The following KCNT2 variants were observed in gnomAD, a reference collection of about 807,000 sequenced individuals.
KCNT2 encodes the protein potassium channel subfamily T member 2.
Under a neutral mutation model 153.8 loss-of-function variants are expected in KCNT2, and 67 were observed. The ratio of observed to expected loss-of-function variants is 0.44; its 90% CI spans 0.36 to 0.53. The LOEUF is 0.53. Ranked by LOEUF, KCNT2 falls within the 20% of genes least tolerant of loss-of-function variation. KCNT2 has a pLI of 0.00. For synonymous variants in KCNT2, 500 were observed against 458.8 expected, an observed-to-expected ratio of 1.09 and a Z score of -1.15; for missense variants, 975 against 1,354.8, an observed-to-expected ratio of 0.72 and a Z score of 4.40.
At chr1:196,509,555 C>T (rs1449971136) in intron 1 of KCNT2, among the ~76,000 whole-genome samples, 1 of 152,074 alleles carries the variant, frequency 6.6e-6, no homozygotes, top group Non-Finnish European at 1.5e-5. Context: ...CAGATGCATA[C>T]ATATCTGTTA....
chr1:196,445,702 T>G (rs1489406074), intron 8 of KCNT2, among the ~76,000 whole-genome samples: 1 of 151,454 alleles, frequency 6.6e-6, no homozygotes, highest in Non-Finnish European at 1.5e-5. Context: ...AGATGGTTAA[T>G]GAACTTATAT....
chr1:196,284,186 G>A (rs1325977231), intron 23 of KCNT2, among the ~76,000 whole-genome samples: 12 of 126,900 alleles, frequency 9.5e-5, no homozygotes, highest in Non-Finnish European at 1.6e-4. Flanking sequence ...AGCCGAGATC[G>A]CACCACCGCC....
At chr1:196,324,225 GAAGGCAAAGGGAACTTTT>G (rs1663622333) in intron 19 of KCNT2, among the ~76,000 whole-genome samples, 1 of 151,938 alleles carries the variant, frequency 6.6e-6, no homozygotes, top group Admixed American at 6.6e-5. Flanking sequence ...AAGCCATTAG[GAAGGCAAAGGGAACTTTT>G]AATGCAAAAA....
intron 1 of KCNT2, among the ~76,000 whole-genome samples, chr1:196,541,869 A>C (rs1258299568): frequency 6.6e-6 from 1 of 152,056 alleles, no homozygotes; most frequent in Admixed American, 6.6e-5. Context: ...ATATATTTAA[A>C]TATACCACCT....
At chr1:196,433,387 C>A (rs955333541) in intron 8 of KCNT2, among the ~76,000 whole-genome samples, 9 of 152,146 alleles carry the variant, frequency 5.9e-5, no homozygotes, top group Admixed American at 5.2e-4. Context: ...TAAAAGACCA[C>A]ATGTTGTATG....
At chr1:196,300,455 A>G (rs956466232) in intron 22 of KCNT2, among the ~76,000 whole-genome samples, 1 of 152,146 alleles carries the variant, frequency 6.6e-6, no homozygotes, top group Non-Finnish European at 1.5e-5. Context: ...TCCCTGAAGC[A>G]GGCCATAAAA....
At chr1:196,455,982 A>G (rs1291326967) in intron 8 of KCNT2, among the ~76,000 whole-genome samples, 1 of 152,038 alleles carries the variant, frequency 6.6e-6, no homozygotes, top group African/African-American at 2.4e-5. Flanking sequence ...GTCCACCTAC[A>G]CTGGATCTCC....
chr1:196,322,004 C>T (rs1663368017), intron 19 of KCNT2, among the ~76,000 whole-genome samples: 1 of 151,864 alleles, frequency 6.6e-6, no homozygotes, highest in Admixed American at 6.6e-5. Flanking sequence ...CATTGGGAAG[C>T]ATTATTATTG....
intron 14 of KCNT2, among the ~76,000 whole-genome samples, chr1:196,351,093 T>C (rs1240845232): frequency 1.3e-5 from 2 of 152,200 alleles, no homozygotes; most frequent in African/African-American, 4.8e-5. Flanking sequence ...ATCATGCTGC[T>C]TTGGTTACTG....
intron 1 of KCNT2, among the ~76,000 whole-genome samples, chr1:196,598,656 G>C (rs1664365599): frequency 6.6e-6 from 1 of 152,124 alleles, no homozygotes; most frequent in Non-Finnish European, 1.5e-5. Context: ...ATTTGTGTAT[G>C]TTGTAAACAT....
chr1:196,465,459 T>G, intron 7 of KCNT2, 72 bp from the exon 8 acceptor site: 3 of 827,588 alleles, frequency 3.6e-6, no homozygotes, highest in African/African-American at 3.4e-5. Flanking sequence ...TTACATTTAT[T>G]AGCATACATT....
chr1:196,474,397 T>C (rs1678355593), intron 5 of KCNT2, among the ~76,000 whole-genome samples: 1 of 152,168 alleles, frequency 6.6e-6, no homozygotes, highest in African/African-American at 2.4e-5. Context: ...TTTAAAATAG[T>C]GTCGTAACGC....
Position 196,470,779 on chromosome 1 carries a change from T to C in KCNT2, c.385-1711A>G, listed in dbSNP as rs1056305693. Reference sequence around the variant, plus strand: ...ACATCAGATAGGCCTCCCATGATAATTCCCTGTGCCATGTAGGTCTGAGTT... The same window carrying C: ...ACATCAGATAGGCCTCCCATGATAACTCCCTGTGCCATGTAGGTCTGAGTT... On this transcript the variant is annotated intron_variant, in intron 5 of 27. Transcript: ENST00000294725. Among the ~76,000 whole-genome samples the C allele has an allele frequency of 2.0e-5, 3 of 152,248 alleles. No individual in the cohort carries two copies. In the East Asian group the frequency reaches 5.8e-4, roughly 29 times the overall value.
At chr1:196,596,706 T>A (rs1164355343) in intron 1 of KCNT2, among the ~76,000 whole-genome samples, 1 of 152,248 alleles carries the variant, frequency 6.6e-6, no homozygotes, top group South Asian at 2.1e-4. Context: ...AAGTCTTTAT[T>A]TTTCAATTAT....
intron 16 of KCNT2, among the ~76,000 whole-genome samples, chr1:196,334,886 T>C (rs1450883846): frequency 6.6e-6 from 1 of 152,000 alleles, no homozygotes; most frequent in Admixed American, 6.6e-5. Flanking sequence ...GGACATTCGA[T>C]TTTTGACCTG....
intron 1 of KCNT2, among the ~76,000 whole-genome samples, chr1:196,504,228 T>G (rs1185559110): frequency 1.9e-5 from 2 of 106,808 alleles, no homozygotes; most frequent in African/African-American, 7.0e-5. Context: ...ATGCTATCCC[T>G]CCCCCCTCCC....
At chr1:196,436,282 G>A (rs1458678176) in intron 8 of KCNT2, among the ~76,000 whole-genome samples, 10 of 151,480 alleles carry the variant, frequency 6.6e-5, no homozygotes, top group African/African-American at 2.4e-4. Context: ...CTGCTCTGTG[G>A]TAATTATTCA....
At chr1:196,242,720 A>C (rs1379005814) in intron 26 of KCNT2, among the ~76,000 whole-genome samples, 1 of 152,162 alleles carries the variant, frequency 6.6e-6, no homozygotes. Flanking sequence ...AAGATAGGCA[A>C]AGTTTTTGCC....
chr1:196,561,281 G>GA (rs1015428429), intron 1 of KCNT2, among the ~76,000 whole-genome samples: 1 of 150,918 alleles, frequency 6.6e-6, no homozygotes, highest in South Asian at 2.1e-4. Context: ...AAAGTTTTAG[G>GA]AAAAAAAAGA....
Sources: allele counts gnomAD v4.1 joint callset (sites outside exome capture counted in the v4.1 genomes callset), GRCh38; gene constraint gnomAD v4.1.1; transcripts MANE v1.5; gene names NCBI Gene and HGNC (gene_info 2026-07-23, HGNC 2026-07-21).